Variants in SEMA3G observed in about 807,000 individuals in gnomAD.
The protein encoded by SEMA3G is semaphorin-3G.
Under a neutral mutation model 86.2 loss-of-function variants are expected in SEMA3G, and 70 were observed. The ratio of observed to expected loss-of-function variants is 0.81; its 90% confidence interval spans 0.67 to 0.99. The LOEUF is 0.99. Ranked by LOEUF, SEMA3G falls within the 50% of genes least tolerant of loss-of-function variation. The pLI is 0.00. For missense variants in SEMA3G, 1,002 were observed against 1,072.4 expected, an observed-to-expected ratio of 0.93 and a Z score of 0.92; for synonymous variants, 416 against 441.4, an observed-to-expected ratio of 0.94 and a Z score of 0.72.
At position 52,435,716 on chromosome 3, in the gene SEMA3G, G is replaced by A. The variant is rs541950335; in HGVS notation, c.2236C>T (p.Arg746Trp). The A allele has an allele frequency of 1.7e-5, 27 of 1,613,984 alleles. No individual in the cohort carries two copies. The highest frequency in any genetic ancestry group is 1.3e-4 in the East Asian group (6 of 44,874). ...ECSGCFRSRS[R>W]GKQARGKSWA... ...CTCTTGCCCCTGGCCTGCTTGCCCC[G>A]GCTCCGGCTCCGGAAGCAGCCTGAG... Residue 746 changes from arginine (R) to tryptophan (W), a missense_variant, in exon 16 of 16, where the codon CGG becomes TGG. By Grantham distance (101) the Arg-to-Trp change is moderately radical. Transcript: ENST00000231721.
At position 52,444,955 on chromosome 3, in the gene SEMA3G, T is replaced by G. The variant is rs1329411326; in HGVS notation, c.73A>C (p.Ser25Arg). 1 of 1,303,230 alleles carries G rather than the reference T, an allele frequency of 7.7e-7. No individual in the cohort carries two copies. 80.7% of individuals were successfully genotyped at this position (1,303,230 alleles called of 1,614,324 possible). Residue 25 changes from serine to arginine, a missense_variant, in exon 1 of 16, where the codon AGC becomes CGC. Transcript: ENST00000231721. ...LLLHGGSSGP[S>R]PGPSVPRLRL... ...AGGCGGGGCACACTGGGGCCGGGGCTGGGGCCAGAGCTACCCCCATGGAGC... is the reference window on the plus strand; with the variant it reads ...AGGCGGGGCACACTGGGGCCGGGGCGGGGGCCAGAGCTACCCCCATGGAGC...
chr3:52,441,160 T>G (rs1018227139), intron 7 of SEMA3G, 104 bp downstream of exon 7: 1 of 1,509,960 alleles, frequency 6.6e-7, no homozygotes, highest in Non-Finnish European at 9.0e-7. Context: ...CTTTGCATCC[T>G]TGCCTCAGTT....
At position 52,435,565 on chromosome 3, in the gene SEMA3G, C is replaced by T. The variant is rs765669752; in HGVS notation, c.*38G>A. Reference sequence around the variant, plus strand: ...GAGATGCTGGGGGCTGCTAGTGGGCCCCCCAGCCCATCCTGACCACCCCTC... The same window carrying T: ...GAGATGCTGGGGGCTGCTAGTGGGCTCCCCAGCCCATCCTGACCACCCCTC... On this transcript the variant is annotated 3_prime_UTR_variant, in exon 16 of 16. Transcript: ENST00000231721. 3.5e-5 allele frequency: 55 copies of T among 1,567,482 alleles called. No individual in the cohort carries two copies. The highest frequency in any genetic ancestry group is 2.1e-4 in the Middle Eastern group (1 of 4,848).
In SEMA3G at chr3:52,442,145, A is replaced by G. The variant is rs372082257; in HGVS notation, c.459+40T>C. ...GTTCAGGCAGCAGGGAGGAAATGTCACTGCCTCCCAGTCCCTTGTGGGGCC... is the reference window on the plus strand; with the variant it reads ...GTTCAGGCAGCAGGGAGGAAATGTCGCTGCCTCCCAGTCCCTTGTGGGGCC... On this transcript the variant is annotated intron_variant, in intron 4 of 15. Transcript: ENST00000231721. This position sits in a 1 kb window ranked among gnomAD's most constrained non-coding sequence, Gnocchi z 6.1. 13 of 1,590,674 alleles carry G rather than the reference A, an allele frequency of 8.2e-6. No homozygotes were observed. The African/African-American group carries it at 1.5e-4, about 18-fold the overall frequency.
chr3:52,439,925 G>C lies in SEMA3G; in HGVS notation c.1317C>G (p.Ile439Met), dbSNP rs149338010. Residue 439 changes from isoleucine to methionine, a missense_variant, in exon 11 of 16, where the codon ATC becomes ATG. By Grantham distance (10) the Ile-to-Met change is conservative. Coordinates refer to ENST00000231721, the MANE Select transcript of SEMA3G (RefSeq NM_020163.3). ...CCTCTGCCTCCACGCGGTCCACCAC[G>C]ATCTGGTGTAGCTGCTGGGCCAGGT... ...KTHLAQQLHQ[I>M]VVDRVEAEDG... 1.5e-5 allele frequency: 25 copies of C among 1,613,854 alleles called. No homozygotes were observed. Among genetic ancestry groups the C allele is most frequent in the Non-Finnish European group, 1.9e-5 (23 of 1,180,004 alleles).
In SEMA3G at chr3:52,440,832, G is replaced by A; in HGVS notation, c.929-9C>T. On this transcript the variant is annotated splice_polypyrimidine_tract_variant and intron_variant, in intron 8 of 15. Coordinates refer to ENST00000231721, the MANE Select transcript of SEMA3G (RefSeq NM_020163.3). ...CAGCAGGAACACATCCTCTGGGGTA[G>A]AGAAAGGAGTATGAGTGTCATGGCC... is the stretch of plus-strand genomic sequence containing the variant. The A allele has an allele frequency of 1.2e-6, 2 of 1,611,630 alleles. No individual in the cohort carries two copies. The highest frequency in any genetic ancestry group is 1.7e-6 in the Non-Finnish European group (2 of 1,179,626).
At chr3:52,438,880 C>G in intron 13 of SEMA3G, 40 bp downstream of exon 13, 1 of 1,610,378 alleles carries the variant, frequency 6.2e-7, no homozygotes, top group South Asian at 1.1e-5. Flanking sequence ...GGAGCAGGGG[C>G]AGAAGGGGGG....
rs1166351952 is a variant in SEMA3G, at chr3:52,441,927, G to C, written c.460-18C>G. 2.0e-6 allele frequency: 3 copies of C among 1,530,010 alleles called. No individual in the cohort carries two copies. The highest frequency in any genetic ancestry group is 2.4e-5 in the East Asian group (1 of 41,754). The allele number at this position is 1,530,010 out of a possible 1,614,324, so 94.8% of individuals were successfully genotyped here. ...AGCACATGCTAGTGGGAGGGAGAGA[G>C]GGAGGGAGGGGCGTCACCTGGGAGA... On this transcript the variant is annotated intron_variant, in intron 4 of 15. Transcript: ENST00000231721.
intron 6 of SEMA3G, 22 bp from the exon 7 acceptor site, chr3:52,441,431 G>C (rs545569684): frequency 6.2e-7 from 1 of 1,611,314 alleles, no homozygotes; most frequent in Non-Finnish European, 8.5e-7. Flanking sequence ...ACAGGGTCAT[G>C]CTGGGTGGAG....
Position 52,442,496 on chromosome 3 carries a change from G to C in SEMA3G, c.339+63C>G. ...TAGAGGTACCTGGGGCGTGGTCACG[G>C]ATTGTCCTGGGGGTCAGGGCAGGGT... On this transcript the variant is annotated intron_variant, in intron 3 of 15. Coordinates refer to ENST00000231721, the MANE Select transcript of SEMA3G (RefSeq NM_020163.3). This position sits in a 1 kb window ranked among gnomAD's most constrained non-coding sequence, Gnocchi z 6.1. The C allele has an allele frequency of 1.3e-6, 2 of 1,584,652 alleles. No homozygotes were observed. The highest frequency in any genetic ancestry group is 3.4e-4 in the Middle Eastern group (2 of 5,956).
Position 52,441,638 on chromosome 3 carries a change from C to A in SEMA3G, c.603G>T (p.Met201Ile). 6.2e-7 allele frequency: 1 copy of A among 1,613,808 alleles called. No individual in the cohort carries two copies. Among genetic ancestry groups the A allele is most frequent in the Non-Finnish European group, 8.5e-7 (1 of 1,180,014 alleles). Residue 201 changes from methionine to isoleucine, a missense_variant, in exon 6 of 16, where the codon ATG becomes ATT. Coordinates refer to ENST00000231721, the MANE Select transcript of SEMA3G (RefSeq NM_020163.3). ...LTADFLGREA[M>I]IFRSGGPRPA... ...GCCGAGGACCTCCACTTCGGAAGAT[C>A]ATGGCCTCTCGCCCCAGGAAGTCAG... is the stretch of plus-strand genomic sequence containing the variant.
At chr3:52,440,288 G>T in intron 10 of SEMA3G, 89 bp downstream of exon 10, 1 of 1,396,726 alleles carries the variant, frequency 7.2e-7, no homozygotes, top group South Asian at 1.4e-5. Flanking sequence ...TGCCGTGGGG[G>T]TGCATGGGGA....
intron 1 of SEMA3G, among the ~76,000 whole-genome samples, chr3:52,443,257 G>C (rs1372882226): frequency 2.0e-5 from 3 of 152,212 alleles, no homozygotes; most frequent in African/African-American, 4.8e-5. Flanking sequence ...CAAAGTGCTG[G>C]AAGATCCTGG....
In SEMA3G at chr3:52,440,971, G is replaced by A. The variant is rs201502218; in HGVS notation, c.891C>T (p.Pro297=). The change falls in exon 8 of 16, where the codon CCC becomes CCT. Residue 297 remains proline (P), a synonymous_variant. Coordinates refer to ENST00000231721, the MANE Select transcript of SEMA3G (RefSeq NM_020163.3). ...AGTGGGTCTCGGCACCACCAGGGCC[G>A]GGCACCGAGCAGACCAGCCTGGCCT... ...FLKARLVCSV[P]GPGGAETHFD... 8.3e-5 allele frequency: 133 copies of A among 1,607,152 alleles called. 2 individuals carry two copies. In the East Asian group the frequency reaches 2.6e-3, roughly 31 times the overall value.
intron 15 of SEMA3G, among the ~76,000 whole-genome samples, chr3:52,436,467 C>T (rs1304247616): frequency 1.3e-5 from 2 of 152,256 alleles, no homozygotes; most frequent in Non-Finnish European, 2.9e-5. Context: ...GGGCTGTGCC[C>T]CCTGGCCCAG....
In SEMA3G at chr3:52,441,001, G is replaced by T; in HGVS notation, c.861C>A (p.Phe287Leu). ...CCGAGCAGACCAGCCTGGCCTTGAG[G>T]AAAGTGCTCCATTTGTTCACCAGCA... ...QRVLVNKWSTFLKARLVCSVP... is the reference protein window; with the variant it reads ...QRVLVNKWSTLLKARLVCSVP... The change falls in exon 8 of 16, where the codon TTC becomes TTA. Residue 287 changes from phenylalanine to leucine, a missense_variant. Transcript: ENST00000231721. 6.2e-7 allele frequency: 1 copy of T among 1,605,202 alleles called. No homozygotes were observed.
At chr3:52,436,212 C>T in intron 15 of SEMA3G, 139 bp from the exon 16 acceptor site, 1 of 1,419,922 alleles carries the variant, frequency 7.0e-7, no homozygotes, top group South Asian at 1.5e-5. Flanking sequence ...CAGGAGGGGA[C>T]CAGCAGCGTG....
In SEMA3G at chr3:52,441,347, A is replaced by G. The variant is rs1315521930; in HGVS notation, c.730T>C (p.Tyr244His). The G allele has an allele frequency of 6.2e-7, 1 of 1,613,874 alleles. No individual in the cohort carries two copies. Residue 244 changes from tyrosine (Y) to histidine (H), a missense_variant, in exon 7 of 16, where the codon TAC becomes CAC. Physicochemically the swap from Tyr to His is moderately conservative, Grantham distance 83 (BLOSUM62 2). Transcript: ENST00000231721. The stretch of plus-strand genomic sequence containing the variant: ...GGGACCGTCTCCGAGAAGAAGAAGT[A>G]CACCTTGTCATTGTCCTGGTCAGAG... ...ENSDQDNDKV[Y>H]FFFSETVPSP...
At chr3:52,440,849 G>T in intron 8 of SEMA3G, 26 bp from the exon 9 acceptor site, 1 of 1,607,814 alleles carries the variant, frequency 6.2e-7, no homozygotes, top group Non-Finnish European at 8.5e-7. Flanking sequence ...GAGTATGAGT[G>T]TCATGGCCAC....
Sources: gnomAD v4.1 joint callset for allele counts (sites outside exome capture counted in the v4.1 genomes callset) on GRCh38, gnomAD v4.1.1 for gene constraint, Gnocchi (gnomAD v3.1) non-coding constraint, MANE v1.5 for transcripts, NCBI Gene and HGNC (gene_info 2026-07-23, HGNC 2026-07-21) for gene names.